Variants in DHRSX observed in about 807,000 individuals in gnomAD.
The protein encoded by DHRSX is polyprenol dehydrogenase.
In DHRSX, 31 loss-of-function variants were observed where a neutral mutation model predicts 34.0. The observed-to-expected ratio is 0.91, with a 90% CI of 0.69 to 1.23. The LOEUF is 1.23. Among genes scored for constraint, DHRSX ranks in the 50% most tolerant of loss-of-function variants. DHRSX has a pLI of 0.00. For synonymous variants in DHRSX, 201 were observed against 183.8 expected (o/e 1.09, Z -0.76); for missense variants, 414 against 428.1 (o/e 0.97, Z 0.29).
intron 2 of DHRSX, among the ~76,000 whole-genome samples, chrX:2,411,773 A>G (rs2043633511): frequency 6.6e-6 from 1 of 151,940 alleles, no homozygotes; most frequent in Non-Finnish European, 1.5e-5. Flanking sequence ...AAAGGGAAAC[A>G]TGCCGGAAGC....
intron 1 of DHRSX, chrX:2,489,072 C>G (rs755414228): frequency 6.2e-7 from 1 of 1,613,922 alleles, no homozygotes; most frequent in Admixed American, 1.7e-5. Flanking sequence ...CAGAAGATCT[C>G]GGCCAGCATG....
At chrX:2,379,595 G>GTTTTTTTTTTTT (rs749144665) in intron 3 of DHRSX, among the ~76,000 whole-genome samples, 1 of 103,964 alleles carries the variant, frequency 9.6e-6, no homozygotes, top group Non-Finnish European at 2.0e-5. Flanking sequence ...GGCAGTGGAG[G>GTTTTTTTTTTTT]TTTTTTTTTT....
At chrX:2,238,982 C>T (rs1171491917) in intron 6 of DHRSX, among the ~76,000 whole-genome samples, 1 of 152,118 alleles carries the variant, frequency 6.6e-6, no homozygotes, top group Non-Finnish European at 1.5e-5. Flanking sequence ...ATTACAAAGA[C>T]AGCATCAAGC....
intron 2 of DHRSX, among the ~76,000 whole-genome samples, chrX:2,411,788 A>T (rs2043633717): frequency 6.6e-6 from 1 of 151,994 alleles, no homozygotes; most frequent in Non-Finnish European, 1.5e-5. Flanking sequence ...GGAAGCTGGG[A>T]CGAAGTAAGA....
intron 1 of DHRSX, among the ~76,000 whole-genome samples, chrX:2,467,848 C>T (rs2044520180): frequency 1.3e-5 from 2 of 151,888 alleles, no homozygotes; most frequent in South Asian, 4.2e-4. Flanking sequence ...GTGGTGCATG[C>T]CCGTACTCCC....
At chrX:2,459,168 T>C (rs2044357764) in intron 1 of DHRSX, among the ~76,000 whole-genome samples, 1 of 151,992 alleles carries the variant, frequency 6.6e-6, no homozygotes, top group African/African-American at 2.4e-5. Context: ...AATTAAATTT[T>C]TTCAGTTACA....
At chrX:2,288,084 C>T (rs1056652830) in intron 4 of DHRSX, among the ~76,000 whole-genome samples, 1 of 150,890 alleles carries the variant, frequency 6.6e-6, no homozygotes, top group Non-Finnish European at 1.5e-5. Flanking sequence ...CACAATGGTT[C>T]TTCTACAAGG....
At chrX:2,248,419 C>T (rs1457387325) in intron 5 of DHRSX, among the ~76,000 whole-genome samples, 21 of 130,458 alleles carry the variant, frequency 1.6e-4, no homozygotes, top group Admixed American at 1.4e-3. Flanking sequence ...GGCGACAGAG[C>T]GAGACTCTGT....
chrX:2,372,928 T>C lies in DHRSX; in HGVS notation c.286+35817A>G, dbSNP rs112065333. ...CGCCTGGCTGGGGGTTGGTATTTCT[T>C]GTGGCTCATAAACCGCGGCTCTACT... On this transcript the variant is annotated intron_variant, in intron 3 of 6. Coordinates refer to ENST00000334651, the MANE Select transcript of DHRSX (RefSeq NM_145177.3). Among the ~76,000 whole-genome samples the C allele has an allele frequency of 1.3e-4, 20 of 152,220 alleles. No individual in the cohort carries two copies. In the East Asian group the frequency reaches 3.7e-3, roughly 28 times the overall value.
At chrX:2,350,684 T>C (rs2042778747) in intron 3 of DHRSX, among the ~76,000 whole-genome samples, 1 of 152,168 alleles carries the variant, frequency 6.6e-6, no homozygotes, top group African/African-American at 2.4e-5. Flanking sequence ...CAGTTGTGCC[T>C]AGAGTTAACA....
chrX:2,242,054 C>G (rs186225274), intron 6 of DHRSX, among the ~76,000 whole-genome samples: 13 of 152,142 alleles, frequency 8.5e-5, no homozygotes, highest in African/African-American at 3.1e-4. Context: ...ACTCCCCTTC[C>G]GCTAAGAAGA....
intron 4 of DHRSX, among the ~76,000 whole-genome samples, chrX:2,272,136 A>G (rs1189228113): frequency 6.6e-6 from 1 of 151,336 alleles, no homozygotes; most frequent in Admixed American, 6.6e-5. Context: ...TCTCAAAAAC[A>G]AAAAAAAACC....
At chrX:2,483,086 C>CATTT (rs1259669892) in intron 1 of DHRSX, among the ~76,000 whole-genome samples, 3 of 152,080 alleles carry the variant, frequency 2.0e-5, no homozygotes, top group South Asian at 4.1e-4. Flanking sequence ...ATCGTGAACT[C>CATTT]ATTTATTTAT....
rs2042294560 is a variant in DHRSX at position 2,320,363 on chromosome X, C to T, written c.287-28760G>A. Among the ~76,000 whole-genome samples, 4 of 146,646 alleles carry T rather than the reference C, an allele frequency of 2.7e-5. No homozygotes were observed. In the South Asian group the frequency reaches 8.9e-4, roughly 33 times the overall value. ...AGGCTGGACTGCAGTGGGGTGATCT[C>T]AGCTCACTGCAACCTCCACCTCCCA... On this transcript the variant is annotated intron_variant, in intron 3 of 6. Coordinates refer to ENST00000334651, the MANE Select transcript of DHRSX (RefSeq NM_145177.3).
chrX:2,314,201 GAAGAGAGGGAGGGAAGGAGGGAAGGA>G, intron 3 of DHRSX, among the ~76,000 whole-genome samples: 1 of 60,994 alleles, frequency 1.6e-5, no homozygotes, highest in Admixed American at 1.8e-4. Context: ...AGGAGGGAAG[GAAGAGAGGGAGGGAAGGAGGGAAGGA>G]AGGGAGGGAG....
intron 6 of DHRSX, among the ~76,000 whole-genome samples, chrX:2,236,952 G>T (rs191624873): frequency 3.4e-3 from 513 of 152,158 alleles, no homozygotes; most frequent in African/African-American, 0.012. Context: ...ACTTCGGCAG[G>T]CCGAGGCAGG....
At chrX:2,336,503 C>T (rs1178251638) in intron 3 of DHRSX, 2 of 152,172 alleles carry the variant, frequency 1.3e-5, no homozygotes, top group African/African-American at 4.8e-5. Context: ...TCTTTTCCAT[C>T]CCATAATACT....
chrX:2,384,771 G>A (rs1201022432), intron 3 of DHRSX, among the ~76,000 whole-genome samples: 1 of 116,810 alleles, frequency 8.6e-6, no homozygotes, highest in Non-Finnish European at 1.9e-5. Context: ...GTGGGGTGGG[G>A]GGAGGGGGGG....
At chrX:2,299,014 A>ATT (rs1556457787) in intron 3 of DHRSX, among the ~76,000 whole-genome samples, 1 of 131,548 alleles carries the variant, frequency 7.6e-6, no homozygotes, top group Non-Finnish European at 1.6e-5. Context: ...AAAAAAAAAA[A>ATT]TGGGAAAAAT....
Sources: gnomAD v4.1 joint callset for allele counts (sites outside exome capture counted in the v4.1 genomes callset) on GRCh38, gnomAD v4.1.1 for gene constraint, MANE v1.5 for transcripts, NCBI Gene and HGNC (gene_info 2026-07-23, HGNC 2026-07-21) for gene names.